The following XIRP2 variants were observed in gnomAD, a reference collection of about 807,000 sequenced individuals.
XIRP2 encodes xin actin binding repeat containing 2.
A neutral mutation model predicts 277.0 loss-of-function variants in XIRP2; 236 were observed. The observed-to-expected ratio is 0.85, with a 90% CI of 0.77 to 0.95. The LOEUF is 0.95. XIRP2 is among the 40% of genes least tolerant of loss of function. The pLI, the probability that XIRP2 is intolerant of heterozygous loss-of-function variation, is 0.00. For missense variants in XIRP2, 4,640 were observed against 4,157.5 expected (o/e 1.12, Z -3.19); for synonymous variants, 1,490 against 1,416.5 (o/e 1.05, Z -1.17).
intron 3 of XIRP2, among the ~76,000 whole-genome samples, chr2:167,203,211 G>C (rs181328386): frequency 1.3e-5 from 2 of 152,144 alleles, no homozygotes; most frequent in African/African-American, 4.8e-5. Context: ...TTGGGGGACC[G>C]ATGTTCTGTC....
chr2:166,982,292 C>A (rs1391541495), intron 2 of XIRP2, among the ~76,000 whole-genome samples: 1 of 147,892 alleles, frequency 6.8e-6, no homozygotes, highest in Non-Finnish European at 1.5e-5. Flanking sequence ...TGGTTTTCAG[C>A]AAATTGTAAT....
intron 2 of XIRP2, among the ~76,000 whole-genome samples, chr2:166,935,968 G>T (rs998481370): frequency 6.6e-6 from 1 of 152,152 alleles, no homozygotes; most frequent in Non-Finnish European, 1.5e-5. Flanking sequence ...TCTAGTTCTA[G>T]ATCCTTGAGG....
intron 2 of XIRP2, among the ~76,000 whole-genome samples, chr2:166,919,344 T>A (rs1238517164): frequency 6.6e-6 from 1 of 152,186 alleles, no homozygotes; most frequent in Non-Finnish European, 1.5e-5. Flanking sequence ...CCAAATATGA[T>A]GATTTATGGT....
At chr2:167,058,834 G>A (rs1403493656) in intron 2 of XIRP2, among the ~76,000 whole-genome samples, 1 of 152,180 alleles carries the variant, frequency 6.6e-6, no homozygotes, top group Admixed American at 6.5e-5. Context: ...GGTGTGACTT[G>A]TGGGAATTTT....
chr2:167,233,334 C>T, intron 5 of XIRP2, among the ~76,000 whole-genome samples: 1 of 151,836 alleles, frequency 6.6e-6, no homozygotes, highest in Admixed American at 6.6e-5. Context: ...CTAAGGCAAT[C>T]AAGAGCCATT....
chr2:167,093,240 AATTG>A (rs1463357746), intron 2 of XIRP2, among the ~76,000 whole-genome samples: 4 of 151,658 alleles, frequency 2.6e-5, no homozygotes, highest in Non-Finnish European at 5.9e-5. Context: ...AATATTAAAT[AATTG>A]ATTAGTATAA....
intron 3 of XIRP2, among the ~76,000 whole-genome samples, chr2:167,156,930 G>A (rs1692220315): frequency 6.6e-6 from 1 of 151,924 alleles, no homozygotes; most frequent in African/African-American, 2.4e-5. Context: ...CCTCTTCTGG[G>A]TTTCCCTCTT....
intron 2 of XIRP2, among the ~76,000 whole-genome samples, chr2:167,034,953 T>C (rs1443799363): frequency 1.3e-5 from 2 of 152,174 alleles, no homozygotes; most frequent in African/African-American, 2.4e-5. Context: ...ATTCTTGTGA[T>C]AGTGAATAAG....
chr2:167,193,222 T>C (rs1693400082), intron 3 of XIRP2, among the ~76,000 whole-genome samples: 1 of 152,228 alleles, frequency 6.6e-6, no homozygotes, highest in Non-Finnish European at 1.5e-5. Flanking sequence ...TAGTTCCTAA[T>C]ATCCACCCTT....
chr2:167,249,057 A>G lies in XIRP2; in HGVS notation c.7665A>G (p.Lys2555=), dbSNP rs1204170924. 2.5e-6 allele frequency: 4 copies of G among 1,611,610 alleles called. No homozygotes were observed. The highest frequency in any genetic ancestry group is 8.5e-7 in the Non-Finnish European group (1 of 1,179,352). Residue 2555 remains lysine (K), a synonymous_variant, in exon 9 of 11, where the codon AAA becomes AAG. Coordinates refer to ENST00000409195, the MANE Select transcript of XIRP2 (RefSeq NM_152381.6). The stretch of plus-strand genomic sequence containing the variant: ...CTGAAGAAAAATATAGACAACAAAA[A>G]GAAGAAATTGAAAAACAGAAACAGG... ...MIAEEKYRQQ[K]EEIEKQKQES...
At chr2:167,085,368 T>C (rs958698868) in intron 2 of XIRP2, among the ~76,000 whole-genome samples, 3 of 150,920 alleles carry the variant, frequency 2.0e-5, no homozygotes, top group African/African-American at 7.3e-5. Context: ...TCCAAGTATG[T>C]GGTCAATTTT....
rs188725005 is a variant in XIRP2 at position 167,022,727 on chromosome 2, A to G, written c.409-113182A>G. ...CGGTTTTTTGTCCTTGCGGTAGTTT[A>G]CTGAGAATGATGCTTTCCAATTTCA... On this transcript the variant is annotated intron_variant, in intron 2 of 10. Coordinates refer to ENST00000409195, the MANE Select transcript of XIRP2 (RefSeq NM_152381.6). Among the ~76,000 whole-genome samples the G allele has an allele frequency of 3.8e-4, 57 of 151,662 alleles. No homozygotes were observed. In the East Asian group the frequency reaches 0.011, roughly 30 times the overall value.
chr2:166,999,757 C>A (rs1425454222), intron 2 of XIRP2, among the ~76,000 whole-genome samples: 1 of 152,048 alleles, frequency 6.6e-6, no homozygotes, highest in Non-Finnish European at 1.5e-5. Flanking sequence ...AGATAATTAA[C>A]TTGTCAACAA....
intron 10 of XIRP2, among the ~76,000 whole-genome samples, chr2:167,257,404 T>G (rs549257458): frequency 6.6e-6 from 1 of 152,136 alleles, no homozygotes; most frequent in African/African-American, 2.4e-5. Flanking sequence ...AATCACTCAA[T>G]TTGTTAATCT....
chr2:167,078,021 G>A (rs1449410508), intron 2 of XIRP2, among the ~76,000 whole-genome samples: 2 of 152,102 alleles, frequency 1.3e-5, no homozygotes, highest in African/African-American at 2.4e-5. Flanking sequence ...GAAAAATGAC[G>A]TTAGTAGTTT....
At chr2:167,155,590 C>T (rs976626164) in intron 3 of XIRP2, among the ~76,000 whole-genome samples, 41 of 152,044 alleles carry the variant, frequency 2.7e-4, no homozygotes, top group Non-Finnish European at 3.7e-4. Flanking sequence ...ATTGATGGGA[C>T]GTATCTCAAA....
intron 2 of XIRP2, among the ~76,000 whole-genome samples, chr2:167,018,810 A>G (rs1687905860): frequency 6.6e-6 from 1 of 152,020 alleles, no homozygotes; most frequent in African/African-American, 2.4e-5. Flanking sequence ...TCCACTGAAT[A>G]CACATCACCT....
intron 3 of XIRP2, among the ~76,000 whole-genome samples, chr2:167,196,877 T>C (rs765818328): frequency 3.3e-5 from 5 of 152,256 alleles, no homozygotes; most frequent in Non-Finnish European, 7.4e-5. Flanking sequence ...GGTGTTTTCA[T>C]GCCTGTCTGT....
At chr2:166,939,778 A>G (rs1176871734) in intron 2 of XIRP2, among the ~76,000 whole-genome samples, 1 of 150,690 alleles carries the variant, frequency 6.6e-6, no homozygotes, top group African/African-American at 2.4e-5. Flanking sequence ...ATTGGCCCCC[A>G]CTCTCTTCTG....
Sources: gnomAD v4.1 joint callset for allele counts (sites outside exome capture counted in the v4.1 genomes callset) on GRCh38, gnomAD v4.1.1 for gene constraint, MANE v1.5 for transcripts, NCBI Gene and HGNC (gene_info 2026-07-23, HGNC 2026-07-21) for gene names.